The following NRG1 variants were observed in gnomAD, a reference collection of about 807,000 sequenced individuals.
NRG1 encodes the protein pro-neuregulin-1, membrane-bound isoform.
In NRG1, 18 loss-of-function variants were observed where a neutral mutation model predicts 63.8. The ratio of observed to expected loss-of-function variants is 0.28; its 90% CI spans 0.19 to 0.42. The LOEUF is 0.42. NRG1 is among the 10% of genes least tolerant of loss of function. NRG1 has a pLI of 1.00. For missense variants in NRG1, 762 were observed against 814.7 expected (o/e 0.94, Z 0.79); for synonymous variants, 302 against 301.3 (o/e 1.00, Z -0.02).
intron 6 of NRG1, among the ~76,000 whole-genome samples, chr8:32,737,675 C>CTTTT (rs561750288): frequency 2.3e-5 from 3 of 127,880 alleles, no homozygotes; most frequent in Non-Finnish European, 3.3e-5. Context: ...GACAATCTTC[C>CTTTT]TTTTTTTTTT....
intron 1 of NRG1, among the ~76,000 whole-genome samples, chr8:32,046,326 A>T (rs1820989811): frequency 6.6e-6 from 1 of 152,132 alleles, no homozygotes; most frequent in African/African-American, 2.4e-5. Flanking sequence ...TGGAGCAACT[A>T]GACTTCTTAT....
In NRG1 at chr8:31,744,215, C is replaced by T. The variant is rs76586449; in HGVS notation, c.37+104784C>T. Among the ~76,000 whole-genome samples, 1,515 of 152,014 alleles carry T rather than the reference C, an allele frequency of 1.0e-2. 34 individuals are homozygous for T. The highest frequency in any genetic ancestry group is 0.035 in the African/African-American group (1,433 of 41,496). On this transcript the variant is annotated intron_variant, in intron 1 of 10. Transcript: ENST00000519301. Reference sequence around the variant, plus strand: ...GAATGTGCAGCCAGCTGTTTGTCTACTTGTCCTGACCCTGTTCAAGGATTA... The same window carrying T: ...GAATGTGCAGCCAGCTGTTTGTCTATTTGTCCTGACCCTGTTCAAGGATTA...
intron 1 of NRG1, among the ~76,000 whole-genome samples, chr8:32,105,227 A>C (rs1831107580): frequency 6.6e-6 from 1 of 152,194 alleles, no homozygotes; most frequent in Non-Finnish European, 1.5e-5. Flanking sequence ...CCAAAATGTC[A>C]TTATGTAGAG....
At chr8:32,407,668 A>G (rs890366179) in intron 1 of NRG1, among the ~76,000 whole-genome samples, 5 of 152,056 alleles carry the variant, frequency 3.3e-5, no homozygotes, top group Non-Finnish European at 5.9e-5. Flanking sequence ...TTCAGTACAT[A>G]TGTCCAACAC....
At chr8:32,461,640 C>A (rs1022308895) in intron 1 of NRG1, among the ~76,000 whole-genome samples, 1 of 152,082 alleles carries the variant, frequency 6.6e-6, no homozygotes. Flanking sequence ...TGAAATGACT[C>A]TAGATCATGC....
At chr8:32,715,962 A>C (rs1274069625) in intron 5 of NRG1, among the ~76,000 whole-genome samples, 1 of 152,168 alleles carries the variant, frequency 6.6e-6, no homozygotes, top group African/African-American at 2.4e-5. Context: ...CTTTTTAAAG[A>C]ATAGGATCAG....
intron 1 of NRG1, among the ~76,000 whole-genome samples, chr8:31,970,242 C>A (rs573208105): frequency 6.6e-6 from 1 of 152,094 alleles, no homozygotes; most frequent in African/African-American, 2.4e-5. Flanking sequence ...TAGATTACAA[C>A]CATTTTCAGG....
chr8:32,591,575 C>G (rs563114250), intron 1 of NRG1, among the ~76,000 whole-genome samples: 15 of 152,110 alleles, frequency 9.9e-5, no homozygotes, highest in Non-Finnish European at 1.6e-4. Context: ...GGGGTTGGGG[C>G]CCTGAAGTCA....
At chr8:32,412,996 T>C (rs1156246931) in intron 1 of NRG1, among the ~76,000 whole-genome samples, 2 of 152,156 alleles carry the variant, frequency 1.3e-5, no homozygotes, top group Non-Finnish European at 2.9e-5. Flanking sequence ...CGCCCAAAGC[T>C]ACACACTGCA....
chr8:32,727,966 A>T, exon 6 of NRG1: 1 of 1,614,070 alleles, frequency 6.2e-7, no homozygotes, highest in Non-Finnish European at 8.5e-7. Context: ...TACATCCACC[A>T]CTGGGACAAG....
At chr8:32,430,438 C>T (rs2129486701) in intron 1 of NRG1, among the ~76,000 whole-genome samples, 1 of 152,266 alleles carries the variant, frequency 6.6e-6, no homozygotes, top group African/African-American at 2.4e-5. Flanking sequence ...AACACATGTG[C>T]AGAGCTTGGG....
intron 1 of NRG1, among the ~76,000 whole-genome samples, chr8:31,874,112 CAT>C (rs1829720125): frequency 1.3e-5 from 2 of 152,160 alleles, no homozygotes; most frequent in South Asian, 2.1e-4. Flanking sequence ...GCACAATTTT[CAT>C]TTTATGAAAG....
chr8:32,084,094 G>T (rs1005281599), intron 1 of NRG1, among the ~76,000 whole-genome samples: 1 of 152,148 alleles, frequency 6.6e-6, no homozygotes, highest in African/African-American at 2.4e-5. Context: ...TAAGACCAAT[G>T]TGAAGCATTA....
intron 1 of NRG1, among the ~76,000 whole-genome samples, chr8:32,344,179 T>TTG (rs1804433108): frequency 6.6e-6 from 1 of 152,200 alleles, no homozygotes; most frequent in African/African-American, 2.4e-5. Context: ...GCAGATAGCA[T>TTG]TACTTTAATT....
At chr8:31,919,525 T>C (rs912234454) in intron 1 of NRG1, among the ~76,000 whole-genome samples, 3 of 152,046 alleles carry the variant, frequency 2.0e-5, no homozygotes, top group East Asian at 1.9e-4. Flanking sequence ...TTTACATATT[T>C]ATAGGAAATA....
chr8:32,085,680 A>G (rs1439455756), intron 1 of NRG1, among the ~76,000 whole-genome samples: 5 of 152,192 alleles, frequency 3.3e-5, no homozygotes, highest in Admixed American at 2.0e-4. Context: ...GGTGTCTCCA[A>G]TAGTTAAATA....
intron 1 of NRG1, among the ~76,000 whole-genome samples, chr8:31,929,509 T>C (rs1834690608): frequency 6.6e-6 from 1 of 151,962 alleles, no homozygotes; most frequent in Non-Finnish European, 1.5e-5. Flanking sequence ...TATTCTTACA[T>C]AATACACACA....
intron 1 of NRG1, among the ~76,000 whole-genome samples, chr8:31,833,342 G>A (rs1169792585): frequency 6.6e-6 from 1 of 152,168 alleles, no homozygotes; most frequent in Non-Finnish European, 1.5e-5. Context: ...TCCTTGTTCA[G>A]CTTTGGTTAT....
chr8:31,641,528 A>G (rs1371384784), intron 1 of NRG1, among the ~76,000 whole-genome samples: 2 of 152,168 alleles, frequency 1.3e-5, no homozygotes, highest in African/African-American at 4.8e-5. Flanking sequence ...ACTGAAAAGT[A>G]TTCTTCCCGG....
Sources: gnomAD v4.1 joint callset for allele counts (sites outside exome capture counted in the v4.1 genomes callset) on GRCh38, gnomAD v4.1.1 for gene constraint, MANE v1.5 for transcripts, NCBI Gene and HGNC (gene_info 2026-07-23, HGNC 2026-07-21) for gene names.